C16orf89: variants seen among roughly 807,000 people sequenced by gnomAD.
C16orf89 encodes the protein UPF0764 protein C16orf89.
In C16orf89, 57 loss-of-function variants were observed where a neutral mutation model predicts 41.5. The observed-to-expected ratio is 1.38, with a 90% CI of 1.11 to 1.71. The LOEUF (loss-of-function observed/expected upper bound fraction) is 1.71, where lower values mean the gene tolerates loss of function less well. Among genes scored for constraint, C16orf89 ranks in the 40% most tolerant of loss-of-function variants. The pLI is 0.00. For missense variants in C16orf89, 575 were observed against 445.9 expected (o/e 1.29, Z -2.61); for synonymous variants, 223 against 190.6 (o/e 1.17, Z -1.40).
At chr16:5,059,946 T>C (rs1596702084) in intron 3 of C16orf89, among the ~76,000 whole-genome samples, 1 of 151,468 alleles carries the variant, frequency 6.6e-6, no homozygotes, top group African/African-American at 2.4e-5. Flanking sequence ...GTCTTTGAAG[T>C]GGGAGGAAGC....
At chr16:5,050,954 T>C (rs1596687548) in intron 6 of C16orf89, among the ~76,000 whole-genome samples, 3 of 152,192 alleles carry the variant, frequency 2.0e-5, no homozygotes, top group African/African-American at 7.2e-5. Context: ...ACAAAAATCA[T>C]ATAATCATCT....
chr16:5,059,727 C>G (rs1462194788), intron 3 of C16orf89, among the ~76,000 whole-genome samples: 1 of 152,152 alleles, frequency 6.6e-6, no homozygotes, highest in African/African-American at 2.4e-5. Flanking sequence ...GAGCTGCATC[C>G]TCACTGGGGA....
In C16orf89 at chr16:5,065,704, C is replaced by G. The variant is rs1418353242; in HGVS notation, c.205G>C (p.Glu69Gln). 6.2e-7 allele frequency: 1 copy of G among 1,612,176 alleles called. No individual in the cohort carries two copies. Among genetic ancestry groups the G allele is most frequent in the African/African-American group, 1.3e-5 (1 of 74,896 alleles). ...AGAGGAATTGGGGCTCACTCACCTTCCAGCACTCGGACCCCCACCATGCCA... is the reference window on the plus strand; with the variant it reads ...AGAGGAATTGGGGCTCACTCACCTTGCAGCACTCGGACCCCCACCATGCCA... Reference protein sequence around the residue: ...LDGMVGVRVLEEQLKSVREKW... With the variant: ...LDGMVGVRVLQEQLKSVREKW... The change falls in exon 1 of 8, where the codon GAA (glutamate) becomes CAA (glutamine). Residue 69 changes from glutamate to glutamine, a missense_variant. Physicochemically the swap from Glu to Gln is conservative, Grantham distance 29 (BLOSUM62 2). Coordinates refer to ENST00000472572, the MANE Select transcript of C16orf89 (RefSeq NM_001098514.3).
At chr16:5,064,522 C>G (rs1274524945) in intron 1 of C16orf89, among the ~76,000 whole-genome samples, 5 of 152,232 alleles carry the variant, frequency 3.3e-5, no homozygotes, top group African/African-American at 1.2e-4. Flanking sequence ...AACCAAAACT[C>G]CACGAGAGCA....
rs751702173 is a variant in C16orf89 at position 5,058,479 on chromosome 16, C to G, written c.627+14G>C. ...CCCTTCCCCTGGCACGGCGGGGGCTCCCTGGGCACTCACCATTCTGGCCCA... is the reference window on the plus strand; with the variant it reads ...CCCTTCCCCTGGCACGGCGGGGGCTGCCTGGGCACTCACCATTCTGGCCCA... On this transcript the variant is annotated intron_variant, in intron 4 of 7. Coordinates refer to ENST00000472572, the MANE Select transcript of C16orf89 (RefSeq NM_001098514.3). 1.3e-6 allele frequency: 2 copies of G among 1,581,340 alleles called. No individual in the cohort carries two copies. The highest frequency in any genetic ancestry group is 1.7e-6 in the Non-Finnish European group (2 of 1,153,922).
At chr16:5,050,974 C>G (rs1005741113) in intron 6 of C16orf89, among the ~76,000 whole-genome samples, 1 of 152,084 alleles carries the variant, frequency 6.6e-6, no homozygotes, top group Non-Finnish European at 1.5e-5. Context: ...TTAATAGATG[C>G]AGGAAAATGC....
intron 1 of C16orf89, among the ~76,000 whole-genome samples, chr16:5,064,302 T>C (rs1956690972): frequency 1.3e-5 from 2 of 152,216 alleles, no homozygotes; most frequent in Admixed American, 1.3e-4. Context: ...ACGTAGACCC[T>C]GCCCACTGGG....
At position 5,065,686 on chromosome 16, in the gene C16orf89, T is replaced by A. The variant is rs764582503; in HGVS notation, c.208+15A>T. 6.2e-7 allele frequency: 1 copy of A among 1,604,772 alleles called. No homozygotes were observed. Among genetic ancestry groups the A allele is most frequent in the South Asian group, 1.1e-5 (1 of 90,870 alleles). The stretch of plus-strand genomic sequence containing the variant: ...GCTTCCCAGTGTCCAGCCAGAGGAA[T>A]TGGGGCTCACTCACCTTCCAGCACT... On this transcript the variant is annotated intron_variant, in intron 1 of 7. Transcript: ENST00000472572.
chr16:5,052,709 A>G (rs184761882), intron 6 of C16orf89, among the ~76,000 whole-genome samples: 1 of 152,384 alleles, frequency 6.6e-6, no homozygotes, highest in Non-Finnish European at 1.5e-5. Context: ...CATTATGGAA[A>G]GCAGTATGGA....
intron 6 of C16orf89, 66 bp downstream of exon 6, chr16:5,055,180 T>C: frequency 7.3e-7 from 1 of 1,375,458 alleles, no homozygotes. Flanking sequence ...ACACCTGGCC[T>C]AGAAACTCAG....
At chr16:5,044,730 G>C in intron 7 of C16orf89, 1 of 1,003,094 alleles carries the variant, frequency 1.0e-6, no homozygotes, top group Non-Finnish European at 1.4e-6. Flanking sequence ...TGTAGTCCCA[G>C]CTACTCGGGA....
At chr16:5,054,754 C>G (rs1956458288) in intron 6 of C16orf89, among the ~76,000 whole-genome samples, 1 of 152,172 alleles carries the variant, frequency 6.6e-6, no homozygotes. Flanking sequence ...TTCCCCCATA[C>G]CGTTCTCACG....
In C16orf89 at chr16:5,061,672, A is replaced by T. The variant is rs187212760; in HGVS notation, c.358+753T>A. On this transcript the variant is annotated intron_variant, in intron 2 of 7. Transcript: ENST00000472572. ...CAGTGTTAGGGACCAGGCCTGGGAG[A>T]GGGTGGGGGACCTTAAAATTGGAAA... Among the ~76,000 whole-genome samples, 11 of 151,942 alleles carry T rather than the reference A, an allele frequency of 7.2e-5. No individual in the cohort carries two copies. The East Asian group carries it at 2.1e-3, about 30-fold the overall frequency.
downstream of C16orf89, chr16:5,043,253 T>C: frequency 6.5e-6 from 1 of 153,882 alleles, no homozygotes; most frequent in Non-Finnish European, 1.4e-5. Flanking sequence ...AGGTGTCTCG[T>C]TATGTTGCCC....
chr16:5,044,552 G>C (rs1240550362), intron 7 of C16orf89, 74 bp from the exon 8 acceptor site: 1 of 1,591,564 alleles, frequency 6.3e-7, no homozygotes, highest in East Asian at 2.3e-5. Flanking sequence ...CTCATTGAAA[G>C]TGCTTTTCAG....
At chr16:5,053,539 TG>T (rs201683080) in intron 6 of C16orf89, among the ~76,000 whole-genome samples, 5 of 147,928 alleles carry the variant, frequency 3.4e-5, no homozygotes, top group Non-Finnish European at 5.9e-5. Flanking sequence ...CAACAATTTG[TG>T]GTTTTTTTTT....
intron 6 of C16orf89, among the ~76,000 whole-genome samples, chr16:5,054,062 T>C (rs1283977625): frequency 6.6e-6 from 1 of 152,176 alleles, no homozygotes. Context: ...AAGCTATACA[T>C]CTGGAGGCCT....
rs758773708 is a variant in C16orf89, at chr16:5,044,149, G to A, written c.*199C>T. Reference sequence around the variant, plus strand: ...AGTTGCAGTTGAACTTTATTCATCCGTTCACACCTGGGTCCCTCCCGGCCC... The same window carrying A: ...AGTTGCAGTTGAACTTTATTCATCCATTCACACCTGGGTCCCTCCCGGCCC... On this transcript the variant is annotated 3_prime_UTR_variant, in exon 8 of 8. Coordinates refer to ENST00000472572, the MANE Select transcript of C16orf89 (RefSeq NM_001098514.3). The A allele has an allele frequency of 1.3e-4, 168 of 1,316,874 alleles. 1 individual carries two copies. Among genetic ancestry groups the A allele is most frequent in the Admixed American group, 3.8e-4 (10 of 26,104 alleles). 81.6% of individuals were successfully genotyped at this position (1,316,874 alleles called of 1,614,324 possible).
chr16:5,060,488 A>G, intron 2 of C16orf89, 52 bp from the exon 3 acceptor site: 1 of 1,548,574 alleles, frequency 6.5e-7, no homozygotes, highest in Non-Finnish European at 8.8e-7. Flanking sequence ...ACCCAGGAGC[A>G]GTGGGCCACC....
Sources: gnomAD v4.1 joint callset for allele counts (sites outside exome capture counted in the v4.1 genomes callset) on GRCh38, gnomAD v4.1.1 for gene constraint, MANE v1.5 for transcripts, NCBI Gene and HGNC (gene_info 2026-07-23, HGNC 2026-07-21) for gene names.